RXFP1: variants seen among roughly 807,000 people sequenced by gnomAD.
RXFP1 encodes relaxin receptor 1.
RXFP1 carries 73 observed loss-of-function variants against 89.8 expected under a neutral mutation model. The observed-to-expected ratio is 0.81, with a 90% CI of 0.67 to 0.99. The LOEUF is 0.99. Among genes scored for constraint, RXFP1 ranks in the 50% least tolerant of loss-of-function variants. The pLI, the probability that RXFP1 is intolerant of heterozygous loss-of-function variation, is 0.00. For missense variants in RXFP1, 793 were observed against 895.5 expected (o/e 0.89, Z 1.46); for synonymous variants, 277 against 305.5 (o/e 0.91, Z 0.97).
At chr4:158,550,580 A>G (rs1749854042) in intron 1 of RXFP1, among the ~76,000 whole-genome samples, 1 of 152,214 alleles carries the variant, frequency 6.6e-6, no homozygotes, top group South Asian at 2.1e-4. Context: ...GTTCCTATTC[A>G]GCCATCTTGG....
intron 3 of RXFP1, among the ~76,000 whole-genome samples, chr4:158,594,542 G>T (rs1045178055): frequency 2.0e-5 from 3 of 151,574 alleles, no homozygotes; most frequent in Non-Finnish European, 4.4e-5. Context: ...AAAATAAATA[G>T]TGCTTTGCAC....
At chr4:158,642,636 G>A (rs975764704) in intron 14 of RXFP1, among the ~76,000 whole-genome samples, 12 of 152,104 alleles carry the variant, frequency 7.9e-5, no homozygotes, top group African/African-American at 2.9e-4. Context: ...TTTTATAGCT[G>A]AATATTCCAT....
intron 1 of RXFP1, among the ~76,000 whole-genome samples, chr4:158,567,323 G>T (rs1233641801): frequency 6.6e-6 from 1 of 152,220 alleles, no homozygotes; most frequent in Non-Finnish European, 1.5e-5. Flanking sequence ...TCCACCTGCA[G>T]CCCCTGTGAG....
Position 158,527,932 on chromosome 4 carries a change from C to T in RXFP1, c.49+5907C>T, listed in dbSNP as rs148642809. Among the ~76,000 whole-genome samples the T allele has an allele frequency of 2.5e-4, 38 of 151,954 alleles. 1 individual carries two copies. The East Asian group carries it at 7.2e-3, about 29-fold the overall frequency. On this transcript the variant is annotated intron_variant, in intron 1 of 17. Transcript: ENST00000307765. ...AATTTCATATGTAGGACAAAAAGGG[C>T]AAGAAATATCAAAAGGGTAAAATAT...
At position 158,626,910 on chromosome 4, in the gene RXFP1, T is replaced by C; in HGVS notation, c.827+19T>C. The C allele has an allele frequency of 8.1e-7, 1 of 1,241,336 alleles. No homozygotes were observed. The highest frequency in any genetic ancestry group is 1.4e-5 in the South Asian group (1 of 70,960). The allele number at this position is 1,241,336 out of a possible 1,614,324, so 76.9% of individuals were successfully genotyped here. A position where few individuals can be genotyped will look rare whatever the true frequency, so the allele number is the denominator to read the frequency against. On this transcript the variant is annotated intron_variant, in intron 10 of 17. Coordinates refer to ENST00000307765, the MANE Select transcript of RXFP1 (RefSeq NM_021634.4). ...CTGTTTTGTAAGTAATATGCTATGC[T>C]TTTGAAGTAATATTATCTTTTCTTA... is the stretch of plus-strand genomic sequence containing the variant.
At position 158,572,807 on chromosome 4, in the gene RXFP1, C is replaced by T. The variant is rs760334929; in HGVS notation, c.159C>T (p.Cys53=). 2 of 1,614,126 alleles carry T rather than the reference C, an allele frequency of 1.2e-6. No individual in the cohort carries two copies. Among genetic ancestry groups the T allele is most frequent in the Non-Finnish European group, 1.7e-6 (2 of 1,180,028 alleles). The part of the protein sequence containing the change: ...QLLHCNGVDD[C]GNQADEDNCG... ...TGCACTGTAACGGTGTGGACGACTGCGGGAATCAGGCCGATGAGGACAACT... is the reference window on the plus strand; with the variant it reads ...TGCACTGTAACGGTGTGGACGACTGTGGGAATCAGGCCGATGAGGACAACT... Residue 53 remains cysteine (C), a synonymous_variant, in exon 2 of 18, where the codon TGC becomes TGT. Coordinates refer to ENST00000307765, the MANE Select transcript of RXFP1 (RefSeq NM_021634.4).
chr4:158,593,719 G>A (rs1759994464), intron 3 of RXFP1, among the ~76,000 whole-genome samples: 1 of 152,090 alleles, frequency 6.6e-6, no homozygotes, highest in African/African-American at 2.4e-5. Flanking sequence ...AAAAGACTCA[G>A]GGATCTTAAG....
intron 1 of RXFP1, among the ~76,000 whole-genome samples, chr4:158,554,369 C>T (rs1050403270): frequency 6.6e-6 from 1 of 152,132 alleles, no homozygotes; most frequent in African/African-American, 2.4e-5. Context: ...TCCCCACTTT[C>T]TTCTGCCATT....
Position 158,566,374 on chromosome 4 carries a change from A to AT in RXFP1, c.50-6314dup, listed in dbSNP as rs1292960153. 0.02 allele frequency among the ~76,000 whole-genome samples: 411 copies of AT among 20,262 alleles called. No homozygotes were observed. In the East Asian group the frequency reaches 0.27, roughly 13 times the overall value. 13.3% of individuals were successfully genotyped at this position (20,262 alleles called of 152,430 possible). ...CTCAAAATTTTAAAATTATCTCAAA[A>AT]TTTTTTTTTTGAGAGTTTCGCTCTT... On this transcript the variant is annotated intron_variant, in intron 1 of 17. Coordinates refer to ENST00000307765, the MANE Select transcript of RXFP1 (RefSeq NM_021634.4).
chr4:158,599,254 TC>T (rs760714127), intron 3 of RXFP1, 71 bp from the exon 4 acceptor site: 3 of 1,604,154 alleles, frequency 1.9e-6, no homozygotes, highest in Non-Finnish European at 2.6e-6. Context: ...GCTTTTCATT[TC>T]TTTCTTTTCA....
chr4:158,527,564 A>ATAT lies in RXFP1; in HGVS notation c.49+5539_49+5540insTAT, dbSNP rs1553989393. Among the ~76,000 whole-genome samples the ATAT allele has an allele frequency of 9.2e-3, 909 of 98,330 alleles. 12 individuals are homozygous for ATAT. The highest frequency in any genetic ancestry group is 0.03 in the African/African-American group (848 of 28,536). The allele number at this position is 98,330 out of a possible 152,430, so 64.5% of individuals were successfully genotyped here. On this transcript the variant is annotated intron_variant, in intron 1 of 17. Transcript: ENST00000307765. ...ATCTCCCCCGCTCCAAAAAAAAAAA[A>ATAT]ATATATATATATATGTATATATATA...
chr4:158,538,992 A>G (rs1745947643), intron 1 of RXFP1, among the ~76,000 whole-genome samples: 2 of 152,182 alleles, frequency 1.3e-5, no homozygotes, highest in Admixed American at 6.5e-5. Context: ...AAACACGCCC[A>G]GGTGGCAACA....
rs988052587 is a variant in RXFP1, at chr4:158,603,736, A to T, written c.393-1332A>T. On this transcript the variant is annotated intron_variant, in intron 4 of 17. Transcript: ENST00000307765. ...GAAACCCCATCTGTACTCAAAATTT[A>T]AAAATTAGCCAAGCGTGGTGGCGCA... 4.6e-5 allele frequency among the ~76,000 whole-genome samples: 7 copies of T among 151,854 alleles called. No homozygotes were observed. In the East Asian group the frequency reaches 1.4e-3, roughly 29 times the overall value.
At chr4:158,627,515 GTGTGTGT>G in intron 10 of RXFP1, among the ~76,000 whole-genome samples, 1 of 132,622 alleles carries the variant, frequency 7.5e-6, no homozygotes, top group African/African-American at 4.0e-5. Context: ...GTGTGTGTGT[GTGTGTGT>G]GTGTGTGTGT....
intron 14 of RXFP1, 44 bp from the exon 15 acceptor site, chr4:158,644,865 G>A: frequency 2.3e-6 from 3 of 1,323,734 alleles, no homozygotes; most frequent in Middle Eastern, 1.8e-4. Flanking sequence ...TGGTGACACT[G>A]AATTAAATGG....
At chr4:158,626,645 T>C (rs1223094338) in intron 9 of RXFP1, among the ~76,000 whole-genome samples, 175 bp from the exon 10 acceptor site, 3 of 151,990 alleles carry the variant, frequency 2.0e-5, no homozygotes, top group Non-Finnish European at 4.4e-5. Context: ...AAGTGTATAA[T>C]ATAGATATTT....
chr4:158,546,301 G>A (rs1748385259), intron 1 of RXFP1, among the ~76,000 whole-genome samples: 1 of 152,156 alleles, frequency 6.6e-6, no homozygotes, highest in Non-Finnish European at 1.5e-5. Context: ...CATTGATTTT[G>A]TATCCCGAGA....
chr4:158,623,854 G>A (rs1056292579), intron 9 of RXFP1, among the ~76,000 whole-genome samples: 1 of 152,066 alleles, frequency 6.6e-6, no homozygotes, highest in Non-Finnish European at 1.5e-5. Context: ...GAATATGATG[G>A]CTTGAGCTTT....
chr4:158,544,170 T>A (rs1376064441), intron 1 of RXFP1: 1 of 983,920 alleles, frequency 1.0e-6, no homozygotes, highest in African/African-American at 1.7e-5. Flanking sequence ...TCATTGGAAA[T>A]CATTGTTCCA....
Sources: gnomAD v4.1 joint callset for allele counts (sites outside exome capture counted in the v4.1 genomes callset) on GRCh38, gnomAD v4.1.1 for gene constraint, MANE v1.5 for transcripts, NCBI Gene and HGNC (gene_info 2026-07-23, HGNC 2026-07-21) for gene names.